The following ACLY variants were observed in gnomAD, a reference collection of about 807,000 sequenced individuals.
ACLY encodes ATP citrate lyase, also known as ATP-citrate synthase.
Under a neutral mutation model 133.0 loss-of-function variants are expected in ACLY, and 41 were observed. That is an observed-to-expected ratio of 0.31 (90% CI 0.24 to 0.40). ACLY has a LOEUF of 0.40. Ranked by LOEUF, ACLY falls within the 10% of genes least tolerant of loss-of-function variation. The pLI is 1.00. For missense variants in ACLY, 1,046 were observed against 1,453.8 expected (o/e 0.72, Z 4.56); for synonymous variants, 495 against 549.3 (o/e 0.90, Z 1.38).
chr17:41,919,037 C>T (rs782267099), upstream of ACLY: 3 of 1,283,550 alleles, frequency 2.3e-6, no homozygotes, highest in Non-Finnish European at 3.0e-6. Context: ...AGAACGGCCC[C>T]GCGATTGGCC....
chr17:41,884,473 G>A (rs374208075), intron 18 of ACLY, among the ~76,000 whole-genome samples, 199 bp from the exon 19 acceptor site: 1 of 152,164 alleles, frequency 6.6e-6, no homozygotes, highest in African/African-American at 2.4e-5. Context: ...GAGGGAAGGA[G>A]TTGGAGCTAT....
At chr17:41,887,830 T>A in intron 16 of ACLY, 127 bp from the exon 17 acceptor site, 1 of 756,732 alleles carries the variant, frequency 1.3e-6, no homozygotes. Flanking sequence ...AAAGTAATGT[T>A]AACAATATGC....
chr17:41,868,205 G>T (rs540812491), intron 28 of ACLY, among the ~76,000 whole-genome samples: 4 of 152,044 alleles, frequency 2.6e-5, no homozygotes, highest in Non-Finnish European at 4.4e-5. Flanking sequence ...TTGGGAGGCC[G>T]AGGTGGGCAG....
At chr17:41,923,974 C>T (rs1455415737), upstream of ACLY, among the ~76,000 whole-genome samples, 1 of 151,986 alleles carries the variant, frequency 6.6e-6, no homozygotes, top group Admixed American at 6.6e-5. Context: ...CCATGCCCAG[C>T]TAATTTTTCT....
intron 16 of ACLY, among the ~76,000 whole-genome samples, chr17:41,891,518 T>G (rs1261751722): frequency 6.6e-6 from 1 of 151,930 alleles, no homozygotes; most frequent in Non-Finnish European, 1.5e-5. Context: ...TCATCCTACC[T>G]CAGCCAGCAC....
In ACLY at chr17:41,871,819, C is replaced by T; in HGVS notation, c.2807G>A (p.Gly936Glu). The T allele has an allele frequency of 6.2e-7, 1 of 1,613,982 alleles. No individual in the cohort carries two copies. The highest frequency in any genetic ancestry group is 8.5e-7 in the Non-Finnish European group (1 of 1,180,024). Residue 936 changes from glycine to glutamate, a missense_variant, in exon 25 of 29, where the codon GGG becomes GAG. Gly to Glu is a moderately conservative substitution (Grantham distance 98, BLOSUM62 -2). Around this residue, in one of 4 missense-constraint regions of ACLY, gnomAD observed 205 missense variants for 373.3 expected, o/e 0.55. Transcript: ENST00000352035. ...CTTGGCTGCTGCATCCAAGGCACCCCCAAACCGATCCCCCTGGAGGAGAAA... is the reference window on the plus strand; with the variant it reads ...CTTGGCTGCTGCATCCAAGGCACCCTCAAACCGATCCCCCTGGAGGAGAAA... Reference protein sequence around the residue: ...SGLLTIGDRFGGALDAAAKMF... With the variant: ...SGLLTIGDRFEGALDAAAKMF...
intron 10 of ACLY, 113 bp downstream of exon 10, chr17:41,904,616 G>T: frequency 1.0e-6 from 1 of 1,003,466 alleles, no homozygotes; most frequent in Non-Finnish European, 1.5e-6. Flanking sequence ...CTCCCTACCT[G>T]ACCTGGGAAC....
At position 41,874,114 on chromosome 17, in the gene ACLY, C is replaced by T. The variant is rs2048668582; in HGVS notation, c.2488-149G>A. The T allele has an allele frequency of 5.7e-6, 5 of 878,906 alleles. No individual in the cohort carries two copies. The South Asian group carries it at 1.3e-4, about 22-fold the overall frequency. 54.4% of individuals were successfully genotyped at this position (878,906 alleles called of 1,614,324 possible). Reference sequence around the variant, plus strand: ...CAAGTAACAACTCTCAAAGTTTTCCCAAGAAAGAAGTGCAAAAGCCCTTTC... The same window carrying T: ...CAAGTAACAACTCTCAAAGTTTTCCTAAGAAAGAAGTGCAAAAGCCCTTTC... On this transcript the variant is annotated intron_variant, in intron 22 of 28. Transcript: ENST00000352035.
rs1555625195 is a variant in ACLY at position 41,872,047 on chromosome 17, C to T, written c.2778G>A (p.Ser926=). 9.3e-6 allele frequency: 15 copies of T among 1,613,772 alleles called. No individual in the cohort carries two copies. The highest frequency in any genetic ancestry group is 4.0e-5 in the African/African-American group (3 of 74,880). ...CAGTACTTACGATGGTGAGCAGCCC[C>T]GAGGTGAGGCTGGAGACCAGGTCTT... ...AGKDLVSSLT[S]GLLTIGDRFG... Residue 926 remains serine, a synonymous_variant, in exon 24 of 29, where the codon TCG becomes TCA. Transcript: ENST00000352035.
At position 41,886,126 on chromosome 17, in the gene ACLY, G is replaced by A. The variant is rs2049040645; in HGVS notation, c.2058C>T (p.Ala686=). 3 of 1,613,518 alleles carry A rather than the reference G, an allele frequency of 1.9e-6. No homozygotes were observed. The highest frequency in any genetic ancestry group is 2.2e-5 in the South Asian group (2 of 91,066). The stretch of plus-strand genomic sequence containing the variant: ...CAGCTGATTACCTGTCCCCACCAAT[G>A]GCCACGCCCTCATAGACGCCATCCG... ...RTTDGVYEGV[A]IGGDRYPGST... The change falls in exon 18 of 29, where the codon GCC becomes GCT. Residue 686 remains alanine, a synonymous_variant. Coordinates refer to ENST00000352035, the MANE Select transcript of ACLY (RefSeq NM_001096.3).
intron 2 of ACLY, among the ~76,000 whole-genome samples, chr17:41,913,113 T>C (rs1274657699): frequency 6.6e-6 from 1 of 152,192 alleles, no homozygotes; most frequent in Non-Finnish European, 1.5e-5. Context: ...GTCCTAGGCT[T>C]ACTCTCTGAG....
Position 41,873,837 on chromosome 17 carries a change from G to A in ACLY, c.2616C>T (p.Val872=), listed in dbSNP as rs1555625527. The A allele has an allele frequency of 1.3e-5, 20 of 1,586,796 alleles. No homozygotes were observed. Among genetic ancestry groups the A allele is most frequent in the Non-Finnish European group, 1.6e-5 (18 of 1,160,662 alleles). The change falls in exon 23 of 29, where the codon GTC becomes GTT. Residue 872 remains valine, a synonymous_variant. Coordinates refer to ENST00000352035, the MANE Select transcript of ACLY (RefSeq NM_001096.3). Reference sequence around the variant, plus strand: ...TTTTCTGGAACCAGAGGAGGCCGAGGACCCCGCCAATGCCCATCTCTTCCT... The same window carrying A: ...TTTTCTGGAACCAGAGGAGGCCGAGAACCCCGCCAATGCCCATCTCTTCCT... ...VFKEEMGIGG[V]LGLLWFQKRL... is the part of the protein sequence containing the mutation.
intron 1 of ACLY, among the ~76,000 whole-genome samples, chr17:41,924,382 C>A (rs2050217609): frequency 6.6e-6 from 1 of 151,564 alleles, no homozygotes; most frequent in African/African-American, 2.4e-5. Context: ...CTCCTGACCT[C>A]GTGATCCGCC....
At chr17:41,914,107 T>A (rs1333830621) in intron 1 of ACLY, among the ~76,000 whole-genome samples, 2 of 152,214 alleles carry the variant, frequency 1.3e-5, no homozygotes, top group Non-Finnish European at 2.9e-5. Context: ...GATCCAGAGA[T>A]AATGGGTGAG....
rs782411560 is a variant in ACLY at position 41,892,461 on chromosome 17, AAAG to A, written c.1602-17_1602-15del. 8.1e-6 allele frequency: 13 copies of A among 1,610,564 alleles called. No homozygotes were observed. In the African/African-American group the frequency reaches 1.5e-4, roughly 18 times the overall value. On this transcript the variant is annotated splice_polypyrimidine_tract_variant and intron_variant, in intron 15 of 28. Transcript: ENST00000352035. Reference sequence around the variant, plus strand: ...TTGTGGTCCCCACTGTGAGAAAGTAAAAGAAGAATTAGGATATCCTCAACCTGT... The same window carrying A: ...TTGTGGTCCCCACTGTGAGAAAGTAAAAGAATTAGGATATCCTCAACCTGT...
chr17:41,919,171 C>T (rs1338214137), upstream of ACLY: 4 of 912,022 alleles, frequency 4.4e-6, no homozygotes, highest in Non-Finnish European at 5.7e-6. Context: ...TCCACCGCCT[C>T]TTGGGAGCCT....
chr17:41,928,659 C>T (rs2050270840), intron 1 of ACLY, among the ~76,000 whole-genome samples: 1 of 151,798 alleles, frequency 6.6e-6, no homozygotes, highest in South Asian at 2.1e-4. Flanking sequence ...CAAGACCAGC[C>T]TGGCCAACAT....
At chr17:41,909,260 C>G (rs1392814633) in intron 5 of ACLY, among the ~76,000 whole-genome samples, 192 bp from the exon 6 acceptor site, 6 of 152,152 alleles carry the variant, frequency 3.9e-5, no homozygotes, top group African/African-American at 9.7e-5. Context: ...CGGAAAGGAG[C>G]TGTCAGGCGA....
intron 1 of ACLY, among the ~76,000 whole-genome samples, chr17:41,914,806 G>C (rs2050008103): frequency 1.3e-5 from 2 of 152,146 alleles, no homozygotes; most frequent in Admixed American, 6.5e-5. Flanking sequence ...ACTCATCTTG[G>C]AGTTCGAGGC....
Sources: allele counts gnomAD v4.1 joint callset (sites outside exome capture counted in the v4.1 genomes callset), GRCh38; gene constraint gnomAD v4.1.1; regional missense constraint gnomAD v4.1.1; transcripts MANE v1.5; gene names NCBI Gene and HGNC (gene_info 2026-07-23, HGNC 2026-07-21).